The following ETV4 variants were observed in gnomAD, a reference collection of about 807,000 sequenced individuals.
The protein encoded by ETV4 is ETS translocation variant 4.
Under a neutral mutation model 65.9 loss-of-function variants are expected in ETV4, and 42 were observed. The ratio of observed to expected loss-of-function variants is 0.64; its 90% CI spans 0.50 to 0.82. The LOEUF (loss-of-function observed/expected upper bound fraction) is 0.82. Among genes scored for constraint, ETV4 ranks in the 40% least tolerant of loss-of-function variants. The pLI is 0.00. For synonymous variants in ETV4, 238 were observed against 260.0 expected (o/e 0.92, Z 0.81); for missense variants, 583 against 630.3 (o/e 0.92, Z 0.80).
intron 8 of ETV4, among the ~76,000 whole-genome samples, chr17:43,532,453 C>T (rs972982837): frequency 2.0e-5 from 3 of 151,352 alleles, no homozygotes; most frequent in African/African-American, 4.9e-5. Context: ...GAGCAGAGAT[C>T]GTGCCACTGC....
chr17:43,543,666 G>A (rs1971643159), intron 4 of ETV4, among the ~76,000 whole-genome samples: 1 of 152,160 alleles, frequency 6.6e-6, no homozygotes, highest in African/African-American at 2.4e-5. Context: ...TGGGGAGACG[G>A]GGCAAAGCTC....
intron 4 of ETV4, among the ~76,000 whole-genome samples, chr17:43,544,615 T>A (rs1342495420): frequency 6.6e-6 from 1 of 152,000 alleles, no homozygotes; most frequent in Non-Finnish European, 1.5e-5. Flanking sequence ...CACCCCAACA[T>A]GCACCTTGGC....
At chr17:43,533,388 G>T (rs1359921778) in intron 6 of ETV4, 40 bp from the exon 7 acceptor site, 5 of 1,579,594 alleles carry the variant, frequency 3.2e-6, no homozygotes. Flanking sequence ...GGGCAGAGAA[G>T]CTGGAAAGCA....
At chr17:43,533,051 G>A (rs1971032641) in intron 7 of ETV4, 112 bp from the exon 8 acceptor site, 15 of 1,492,818 alleles carry the variant, frequency 1.0e-5, no homozygotes, top group East Asian at 2.3e-5. Context: ...GTAGGGGGTT[G>A]GGGTGTCAGT....
intron 12 of ETV4, 99 bp downstream of exon 12, chr17:43,529,036 C>T: frequency 8.9e-7 from 1 of 1,127,050 alleles, no homozygotes; most frequent in Non-Finnish European, 1.3e-6. Flanking sequence ...TTATCTGATC[C>T]TACAAAGTTG....
intron 4 of ETV4, chr17:43,544,681 G>T (rs1425226158): frequency 3.4e-6 from 1 of 291,736 alleles, no homozygotes; most frequent in East Asian, 5.6e-5. Flanking sequence ...AGGAAAATGG[G>T]CCTGGGGCCA....
At chr17:43,545,979 G>GTGTGTGTGTGTA (rs1971804202) in intron 1 of ETV4, 1 of 267,164 alleles carries the variant, frequency 3.7e-6, no homozygotes, top group Admixed American at 5.5e-5. Context: ...GTGTGTGTGT[G>GTGTGTGTGTGTA]TACGCGCGCG....
In ETV4 at chr17:43,533,222, C is replaced by G; in HGVS notation, c.510G>C (p.Gln170His). 6.2e-7 allele frequency: 1 copy of G among 1,613,986 alleles called. No homozygotes were observed. ...CGAGGTACCCATGGCCAGGGTGGGG[C>G]TGGGAGGTGCCAGAGGATCTCAGGA... ...RNFLRSSGTS[Q>H]PHPGHGYLGE... is the part of the protein sequence containing the mutation. Residue 170 changes from glutamine (Q) to histidine (H), a missense_variant, in exon 7 of 13, where the codon CAG becomes CAC. By Grantham distance (24) the Gln-to-His change is conservative. Transcript: ENST00000319349.
chr17:43,529,641 C>A lies in ETV4; in HGVS notation c.991G>T (p.Glu331Ter). ...CCCCGGCGCTGGTAGGGCGGCCCCT[C>A]TCGAAATGCACCGACCCCTTCCTGC... ...IKQEGVGAFREGPPYQRRGAL... is the reference protein window; with the variant it reads ...IKQEGVGAFR Residue 331 changes from glutamate (E) to a stop codon, truncating the protein, a stop_gained, in exon 11 of 13, where the codon GAG (glutamate) becomes TAG (stop). Coordinates refer to ENST00000319349, the MANE Select transcript of ETV4 (RefSeq NM_001079675.5). LOFTEE classifies it high-confidence loss of function. 1 of 1,613,862 alleles carries A rather than the reference C, an allele frequency of 6.2e-7. No individual in the cohort carries two copies. The highest frequency in any genetic ancestry group is 8.5e-7 in the Non-Finnish European group (1 of 1,179,902).
At chr17:43,545,174 G>T in intron 3 of ETV4, 100 bp downstream of exon 3, 1 of 1,254,466 alleles carries the variant, frequency 8.0e-7, no homozygotes. Flanking sequence ...GGGGAAACAG[G>T]CGGGGGTTCC....
intron 5 of ETV4, 97 bp downstream of exon 5, chr17:43,536,329 G>C: frequency 9.1e-7 from 1 of 1,094,614 alleles, no homozygotes; most frequent in Non-Finnish European, 1.4e-6. Flanking sequence ...CTGTGTTTTA[G>C]GAGAGAACAA....
intron 5 of ETV4, chr17:43,536,170 G>A: frequency 2.0e-6 from 1 of 512,148 alleles, no homozygotes; most frequent in Non-Finnish European, 3.5e-6. Context: ...TGCTGAACTG[G>A]CCCAGGCCCC....
At position 43,528,194 on chromosome 17, in the gene ETV4, C is replaced by A; in HGVS notation, c.*325G>T. ...GTTGGGAAGCGCCTTCTCTGTCCCC[C>A]AGAACAGAACAAACTCTTGTTCTCT... On this transcript the variant is annotated 3_prime_UTR_variant, in exon 13 of 13. Coordinates refer to ENST00000319349, the MANE Select transcript of ETV4 (RefSeq NM_001079675.5). The A allele has an allele frequency of 3.5e-6, 1 of 283,144 alleles. No homozygotes were observed. 17.5% of individuals were successfully genotyped at this position (283,144 alleles called of 1,614,324 possible). A position where few individuals can be genotyped will look rare whatever the true frequency, so the allele number is the denominator to read the frequency against.
Position 43,528,552 on chromosome 17 carries a change from C to CTGGGCGGGGCCAGCCAGCTCTGGGAGG in ETV4, c.1395_1421dup (p.Ala473_Gln474insHisLeuProGluLeuAlaGlyProAla). On this transcript the variant is annotated inframe_insertion, in exon 13 of 13. Coordinates refer to ENST00000319349, the MANE Select transcript of ETV4 (RefSeq NM_001079675.5). Reference sequence around the variant, plus strand: ...AGTAGCCACCCTTGGGGCCAAATGGCTGGGCGGGGCCAGCCAGCTCTGGGA... The same window carrying CTGGGCGGGGCCAGCCAGCTCTGGGAGG: ...AGTAGCCACCCTTGGGGCCAAATGGCTGGGCGGGGCCAGCCAGCTCTGGGAGGTGGGCGGGGCCAGCCAGCTCTGGGA... 1.2e-6 allele frequency: 2 copies of CTGGGCGGGGCCAGCCAGCTCTGGGAGG among 1,612,604 alleles called. No individual in the cohort carries two copies. The highest frequency in any genetic ancestry group is 1.7e-6 in the Non-Finnish European group (2 of 1,179,182).
chr17:43,539,259 T>G (rs1276802285), intron 4 of ETV4, among the ~76,000 whole-genome samples: 1 of 152,198 alleles, frequency 6.6e-6, no homozygotes, highest in Non-Finnish European at 1.5e-5. Context: ...GTCTCCTTTC[T>G]AGCCCTCAAA....
rs1029776650 is a variant in ETV4, at chr17:43,545,945, G to A, written c.-52+240C>T. On this transcript the variant is annotated intron_variant, in intron 1 of 12. Coordinates refer to ENST00000319349, the MANE Select transcript of ETV4 (RefSeq NM_001079675.5). ...CGGTTACATAAGAACGTGTGTGTGT[G>A]TGTGTGTGTGTGTGTGTGTGTGTGT... 4.1e-4 allele frequency: 122 copies of A among 298,972 alleles called. 1 individual carries two copies. In the East Asian group the frequency reaches 6.5e-3, roughly 16 times the overall value. 18.5% of individuals were successfully genotyped at this position (298,972 alleles called of 1,614,324 possible).
intron 4 of ETV4, among the ~76,000 whole-genome samples, chr17:43,539,654 G>C (rs1056854448): frequency 1.3e-5 from 2 of 152,172 alleles, no homozygotes; most frequent in South Asian, 2.1e-4. Flanking sequence ...TCCTCAGGCT[G>C]GCAGAAGTCA....
Position 43,530,056 on chromosome 17 carries a change from G to A in ETV4, c.886+51C>T, listed in dbSNP as rs749260930. ...CAGGGAGACCCTCCCCCATGGCAGC[G>A]CTCCCTCCCCCAACATGGAGGGCTT... On this transcript the variant is annotated intron_variant, in intron 9 of 12. Transcript: ENST00000319349. The A allele has an allele frequency of 9.3e-6, 15 of 1,608,828 alleles. No individual in the cohort carries two copies. The East Asian group carries it at 1.6e-4, about 17-fold the overall frequency.
Position 43,530,607 on chromosome 17 carries a change from C to CGT in ETV4, c.812-427_812-426insAC, listed in dbSNP as rs1414343747. 4.5e-3 allele frequency among the ~76,000 whole-genome samples: 628 copies of CGT among 138,708 alleles called. 5 individuals are homozygous for CGT. Among genetic ancestry groups the CGT allele is most frequent in the Admixed American group, 0.018 (254 of 13,966 alleles). 91.0% of individuals were successfully genotyped at this position (138,708 alleles called of 152,430 possible). A position where few individuals can be genotyped will look rare whatever the true frequency, so the allele number is the denominator to read the frequency against. On this transcript the variant is annotated intron_variant, in intron 8 of 12. Coordinates refer to ENST00000319349, the MANE Select transcript of ETV4 (RefSeq NM_001079675.5). The stretch of plus-strand genomic sequence containing the variant: ...TCAGGTTCCCAGCCCTGTGCACGCG[C>CGT]GCGTGTGTGTGTGTGTGTGTGTGTG...
Sources: allele counts gnomAD v4.1 joint callset (sites outside exome capture counted in the v4.1 genomes callset), GRCh38; gene constraint gnomAD v4.1.1; transcripts MANE v1.5; gene names NCBI Gene and HGNC (gene_info 2026-07-23, HGNC 2026-07-21).